Variants in RPS6KC1 observed in about 807,000 individuals in gnomAD.
The protein encoded by RPS6KC1 is ribosomal protein S6 kinase C1.
RPS6KC1 carries 54 observed loss-of-function variants against 103.8 expected under a neutral mutation model. The observed-to-expected ratio is 0.52, with a 90% CI of 0.42 to 0.65. The LOEUF (loss-of-function observed/expected upper bound fraction) is 0.65, where lower values mean the gene tolerates loss of function less well. Among genes scored for constraint, RPS6KC1 ranks in the 30% least tolerant of loss-of-function variants. The pLI is 0.00. For synonymous variants in RPS6KC1, 439 were observed against 438.7 expected, an observed-to-expected ratio of 1.00 and a Z score of -0.01; for missense variants, 1,151 against 1,253.8, an observed-to-expected ratio of 0.92 and a Z score of 1.24.
chr1:213,771,280 T>C, the RPS6KC1 span, among the ~76,000 whole-genome samples: 5 of 152,044 alleles, frequency 3.3e-5, no homozygotes, highest in Non-Finnish European at 5.9e-5. Flanking sequence ...TTGCTAGATG[T>C]GTCCTAGAAG....
the RPS6KC1 span, among the ~76,000 whole-genome samples, chr1:213,392,666 G>C: frequency 6.6e-6 from 1 of 152,174 alleles, no homozygotes; most frequent in African/African-American, 2.4e-5. Context: ...CCCTGGCCCA[G>C]AGTTTGCTCC....
At chr1:213,582,972 G>A in the RPS6KC1 span, among the ~76,000 whole-genome samples, 1 of 152,216 alleles carries the variant, frequency 6.6e-6, no homozygotes, top group East Asian at 1.9e-4. Flanking sequence ...CTGTAGATTA[G>A]TTTTGCTTTT....
chr1:213,658,347 G>A, the RPS6KC1 span, among the ~76,000 whole-genome samples: 2 of 152,294 alleles, frequency 1.3e-5, 1 homozygote, highest in African/African-American at 4.8e-5. Context: ...AAGAGGTGAA[G>A]CGGCTAAGTC....
chr1:213,658,289 T>G, the RPS6KC1 span, among the ~76,000 whole-genome samples: 17 of 152,308 alleles, frequency 1.1e-4, no homozygotes, highest in African/African-American at 3.1e-4. Flanking sequence ...ACTAGTTGTG[T>G]TACTGATCCT....
At chr1:213,528,665 A>T in the RPS6KC1 span, among the ~76,000 whole-genome samples, 3 of 152,162 alleles carry the variant, frequency 2.0e-5, no homozygotes, top group Non-Finnish European at 2.9e-5. Flanking sequence ...TAGTAGCAGC[A>T]TTGGTAGTAT....
chr1:213,361,737 A>G, the RPS6KC1 span, among the ~76,000 whole-genome samples: 1 of 152,218 alleles, frequency 6.6e-6, no homozygotes, highest in South Asian at 2.1e-4. Context: ...AAGATGCCCC[A>G]GTTTACAAAG....
At chr1:213,499,363 C>A in the RPS6KC1 span, among the ~76,000 whole-genome samples, 38,440 of 152,040 alleles carry the variant, frequency 0.25, 5,476 homozygotes, top group Middle Eastern at 0.38. Context: ...CGGCCCCCAA[C>A]CTTTTTGGCA....
At chr1:213,321,649 G>T in the RPS6KC1 span, among the ~76,000 whole-genome samples, 1 of 152,142 alleles carries the variant, frequency 6.6e-6, no homozygotes, top group Non-Finnish European at 1.5e-5. Context: ...CAAAAATCCT[G>T]GTCCTAATGA....
chr1:213,053,780 T>C (rs1448535448), intron 1 of RPS6KC1, among the ~76,000 whole-genome samples: 1 of 152,056 alleles, frequency 6.6e-6, no homozygotes, highest in African/African-American at 2.4e-5. Context: ...TTGGAAGCAC[T>C]GAGTATAATT....
the RPS6KC1 span, among the ~76,000 whole-genome samples, chr1:213,856,081 C>T: frequency 5.9e-5 from 9 of 152,306 alleles, no homozygotes; most frequent in South Asian, 1.5e-3. Flanking sequence ...AGGGAACTGT[C>T]GGCTGAAGCT....
chr1:213,548,395 G>A, the RPS6KC1 span, among the ~76,000 whole-genome samples: 1 of 152,230 alleles, frequency 6.6e-6, no homozygotes, highest in African/African-American at 2.4e-5. Flanking sequence ...GGGAGTGGTG[G>A]CTCACGCCTG....
chr1:213,623,414 A>G, the RPS6KC1 span, among the ~76,000 whole-genome samples: 2 of 152,164 alleles, frequency 1.3e-5, no homozygotes, highest in Admixed American at 6.5e-5. Flanking sequence ...ACTGAGCCTT[A>G]CTAGCCACAA....
intron 3 of RPS6KC1, among the ~76,000 whole-genome samples, chr1:213,091,544 C>T (rs1185990741): frequency 6.6e-6 from 1 of 152,072 alleles, no homozygotes; most frequent in Non-Finnish European, 1.5e-5. Flanking sequence ...TATCTTTTAC[C>T]TGGGCATGAG....
chr1:213,669,536 A>T, the RPS6KC1 span, among the ~76,000 whole-genome samples: 1 of 152,200 alleles, frequency 6.6e-6, no homozygotes, highest in Non-Finnish European at 1.5e-5. Context: ...AAACATTGTG[A>T]GAATTACCAA....
intron 8 of RPS6KC1, among the ~76,000 whole-genome samples, chr1:213,177,496 G>A (rs1182254915): frequency 6.6e-6 from 1 of 152,124 alleles, no homozygotes; most frequent in African/African-American, 2.4e-5. Flanking sequence ...AAAGTTTGAA[G>A]CATTCCAAAG....
the RPS6KC1 span, among the ~76,000 whole-genome samples, chr1:213,295,652 A>C: frequency 5.6e-4 from 86 of 152,324 alleles, no homozygotes; most frequent in African/African-American, 2.0e-3. Context: ...CCTTAACTAG[A>C]TCATGCAAAT....
chr1:213,419,194 T>A, the RPS6KC1 span, among the ~76,000 whole-genome samples: 1 of 152,236 alleles, frequency 6.6e-6, no homozygotes, highest in Non-Finnish European at 1.5e-5. Flanking sequence ...GTTCTTCACC[T>A]CTGATGATGC....
chr1:213,304,521 GTA>G, the RPS6KC1 span, among the ~76,000 whole-genome samples: 1 of 150,892 alleles, frequency 6.6e-6, no homozygotes, highest in Admixed American at 6.6e-5. Flanking sequence ...AAATTACTCT[GTA>G]TAGAAAATTT....
chr1:213,459,187 C>T, the RPS6KC1 span, among the ~76,000 whole-genome samples: 1 of 152,142 alleles, frequency 6.6e-6, no homozygotes, highest in Non-Finnish European at 1.5e-5. Flanking sequence ...ATGGTACCAG[C>T]TCCTGTTTGT....
Sources: gnomAD v4.1 joint callset for allele counts (sites outside exome capture counted in the v4.1 genomes callset) on GRCh38, gnomAD v4.1.1 for gene constraint, MANE v1.5 for transcripts, NCBI Gene and HGNC (gene_info 2026-07-23, HGNC 2026-07-21) for gene names.